Variants in PPTC7 observed in about 807,000 individuals in gnomAD.
PPTC7 encodes protein phosphatase targeting COQ7, also known as protein phosphatase PTC7 homolog.
In PPTC7, 6 loss-of-function variants were observed where a neutral mutation model predicts 30.8. The observed-to-expected ratio is 0.19, with a 90% CI of 0.11 to 0.38. The LOEUF (loss-of-function observed/expected upper bound fraction) is 0.38, where lower values mean the gene tolerates loss of function less well. Among genes scored for constraint, PPTC7 ranks in the 10% least tolerant of loss-of-function variants. The probability of loss-of-function intolerance (pLI) is 1.00; values close to 1 mark genes in which losing one functional copy is unlikely to be tolerated. For synonymous variants in PPTC7, 163 were observed against 168.1 expected (o/e 0.97, Z 0.23); for missense variants, 218 against 404.8 (o/e 0.54, Z 3.96).
chr12:110,580,925 T>C (rs2064631756), intron 1 of PPTC7, among the ~76,000 whole-genome samples: 1 of 152,050 alleles, frequency 6.6e-6, no homozygotes, highest in African/African-American at 2.4e-5. Context: ...CTAATTTTTG[T>C]ATTTTTAGTA....
chr12:110,559,014 G>A (rs751827305), intron 1 of PPTC7, among the ~76,000 whole-genome samples: 1 of 151,710 alleles, frequency 6.6e-6, no homozygotes, highest in African/African-American at 2.4e-5. Flanking sequence ...GTTTTCCATA[G>A]ACTGATGCTT....
chr12:110,557,877 A>G (rs1211277149), intron 1 of PPTC7, among the ~76,000 whole-genome samples: 1 of 152,194 alleles, frequency 6.6e-6, no homozygotes. Context: ...TGGCAGCAGG[A>G]GAGAGAAGTG....
chr12:110,574,746 G>C (rs974683881), intron 1 of PPTC7, among the ~76,000 whole-genome samples: 1 of 151,992 alleles, frequency 6.6e-6, no homozygotes, highest in Non-Finnish European at 1.5e-5. Flanking sequence ...AATTATTTTA[G>C]TTCTCAGGGA....
rs2064442004 is a variant in PPTC7 at position 110,562,031 on chromosome 12, C to T, written c.224-10063G>A. The stretch of plus-strand genomic sequence containing the variant: ...CAAATAATTATCCCAAACGGAGAGT[C>T]GCTTGAGCCAGGAGGTTGAGGCTGC... On this transcript the variant is annotated intron_variant, in intron 1 of 5. Coordinates refer to ENST00000354300, the MANE Select transcript of PPTC7 (RefSeq NM_139283.2). 2.0e-5 allele frequency among the ~76,000 whole-genome samples: 3 copies of T among 151,986 alleles called. No homozygotes were observed. The South Asian group carries it at 6.2e-4, about 31-fold the overall frequency.
chr12:110,564,495 T>C (rs1366107208), intron 1 of PPTC7, among the ~76,000 whole-genome samples: 1 of 152,208 alleles, frequency 6.6e-6, no homozygotes, highest in African/African-American at 2.4e-5. Flanking sequence ...TCTAGAATTC[T>C]TGTCAACCTG....
intron 1 of PPTC7, among the ~76,000 whole-genome samples, chr12:110,560,660 C>T (rs1397063966): frequency 2.0e-5 from 3 of 152,186 alleles, no homozygotes; most frequent in South Asian, 2.1e-4. Context: ...ACAAAGCAAA[C>T]GTTTTCTAGA....
At chr12:110,554,691 T>G (rs1350143892) in intron 1 of PPTC7, among the ~76,000 whole-genome samples, 1 of 152,152 alleles carries the variant, frequency 6.6e-6, no homozygotes, top group Non-Finnish European at 1.5e-5. Flanking sequence ...AATCTTCTAC[T>G]CAAACTCTTG....
intron 1 of PPTC7, among the ~76,000 whole-genome samples, chr12:110,556,574 A>T (rs533796056): frequency 6.6e-6 from 1 of 152,350 alleles, no homozygotes; most frequent in South Asian, 2.1e-4. Context: ...TTTCATTCAG[A>T]ATACATGTCA....
intron 5 of PPTC7, 111 bp from the exon 6 acceptor site, chr12:110,537,206 G>T: frequency 1.2e-6 from 1 of 825,458 alleles, no homozygotes; most frequent in Non-Finnish European, 2.0e-6. Context: ...GGCAGTTTTG[G>T]TTTGTCAGTA....
intron 1 of PPTC7, among the ~76,000 whole-genome samples, chr12:110,552,420 T>C (rs535034891): frequency 2.6e-5 from 4 of 152,182 alleles, no homozygotes; most frequent in African/African-American, 4.8e-5. Flanking sequence ...GGTCAATCGC[T>C]GGGAAATAAA....
chr12:110,576,758 CT>C (rs1389971313), intron 1 of PPTC7, among the ~76,000 whole-genome samples: 1 of 152,124 alleles, frequency 6.6e-6, no homozygotes, highest in African/African-American at 2.4e-5. Flanking sequence ...GAAAAACATT[CT>C]GGAACTAGAT....
rs1174387972 is a variant in PPTC7 at position 110,550,275 on chromosome 12, C to T, written c.403+1514G>A. On this transcript the variant is annotated intron_variant, in intron 2 of 5. Transcript: ENST00000354300. The stretch of plus-strand genomic sequence containing the variant: ...AGATGGAGTCTTGCTCTGTCGCCCA[C>T]GCTGGAGTGCAGTGGCGCGATTTTG... Among the ~76,000 whole-genome samples, 5 of 139,458 alleles carry T rather than the reference C, an allele frequency of 3.6e-5. No homozygotes were observed. In the East Asian group the frequency reaches 6.4e-4, roughly 18 times the overall value. The allele number at this position is 139,458 out of a possible 152,430, so 91.5% of individuals were successfully genotyped here. A position where few individuals can be genotyped will look rare whatever the true frequency, so the allele number is the denominator to read the frequency against.
Position 110,577,670 on chromosome 12 carries a change from A to C in PPTC7, c.223+5139T>G, listed in dbSNP as rs534367835. 2.0e-5 allele frequency among the ~76,000 whole-genome samples: 3 copies of C among 152,330 alleles called. No individual in the cohort carries two copies. In the South Asian group the frequency reaches 6.2e-4, roughly 32 times the overall value. ...CCTGACCACGATCAAAATCAGATCC[A>C]AAGGCTGGGATATGAAATTATTTTA... On this transcript the variant is annotated intron_variant, in intron 1 of 5. Transcript: ENST00000354300.
intron 3 of PPTC7, among the ~76,000 whole-genome samples, chr12:110,544,372 T>C (rs1222740483): frequency 3.3e-5 from 5 of 152,244 alleles, no homozygotes; most frequent in East Asian, 3.8e-4. Context: ...AGAATGCTTC[T>C]ATTTTTACAA....
intron 1 of PPTC7, among the ~76,000 whole-genome samples, chr12:110,552,529 C>G (rs2064356347): frequency 6.6e-6 from 1 of 152,144 alleles, no homozygotes; most frequent in African/African-American, 2.4e-5. Context: ...TACTGAGCAC[C>G]CGAAATGAGG....
At chr12:110,554,576 C>T (rs562617342) in intron 1 of PPTC7, among the ~76,000 whole-genome samples, 4 of 152,260 alleles carry the variant, frequency 2.6e-5, no homozygotes, top group African/African-American at 9.6e-5. Flanking sequence ...TAGAGATTTT[C>T]GTAGGCCCAA....
At chr12:110,579,008 G>T (rs2064613707) in intron 1 of PPTC7, among the ~76,000 whole-genome samples, 1 of 152,144 alleles carries the variant, frequency 6.6e-6, no homozygotes, top group Non-Finnish European at 1.5e-5. Flanking sequence ...AATTAGCCGG[G>T]TGAGGTGGCA....
In PPTC7 at chr12:110,536,287, T is replaced by C. The variant is rs554877045; in HGVS notation, c.*750A>G. ...TTTCCATAAAAAAATACTGGTAAAG[T>C]GTCTCCCCTACCCCTCCTGGAGATC... On this transcript the variant is annotated 3_prime_UTR_variant, in exon 6 of 6. Transcript: ENST00000354300. 6.6e-6 allele frequency: 1 copy of C among 152,320 alleles called. No individual in the cohort carries two copies. Among genetic ancestry groups the C allele is most frequent in the East Asian group, 1.9e-4 (1 of 5,190 alleles). The allele number at this position is 152,320 out of a possible 1,614,324, so 9.4% of individuals were successfully genotyped here. A position where few individuals can be genotyped will look rare whatever the true frequency, so the allele number is the denominator to read the frequency against.
At chr12:110,556,075 T>G (rs1453973029) in intron 1 of PPTC7, among the ~76,000 whole-genome samples, 1 of 152,212 alleles carries the variant, frequency 6.6e-6, no homozygotes, top group African/African-American at 2.4e-5. Context: ...AAATCTAAGA[T>G]AACGTTTAGA....
Sources: gnomAD v4.1 joint callset for allele counts (sites outside exome capture counted in the v4.1 genomes callset) on GRCh38, gnomAD v4.1.1 for gene constraint, MANE v1.5 for transcripts, NCBI Gene and HGNC (gene_info 2026-07-23, HGNC 2026-07-21) for gene names.